PTPN4: variants seen among roughly 807,000 people sequenced by gnomAD.
PTPN4 encodes protein tyrosine phosphatase non-receptor type 4.
Under a neutral mutation model 135.5 loss-of-function variants are expected in PTPN4, and 49 were observed. The ratio of observed to expected loss-of-function variants is 0.36; its 90% confidence interval spans 0.29 to 0.46. The LOEUF is 0.46. PTPN4 is among the 20% of genes least tolerant of loss of function. The pLI is 1.00. For missense variants in PTPN4, 860 were observed against 1,101.0 expected (o/e 0.78, Z 3.10); for synonymous variants, 333 against 369.9 (o/e 0.90, Z 1.14).
intron 26 of PTPN4, among the ~76,000 whole-genome samples, chr2:119,973,107 C>T (rs1414806243): frequency 6.6e-6 from 1 of 151,736 alleles, no homozygotes; most frequent in Non-Finnish European, 1.5e-5. Context: ...TTTTTTGCAA[C>T]CAATTTGCAA....
rs993423598 is a variant in PTPN4, at chr2:119,926,607, T to C, written c.1011T>C (p.Thr337=). Residue 337 remains threonine, a synonymous_variant, in exon 13 of 27, where the codon ACT becomes ACC. Coordinates refer to ENST00000263708, the MANE Select transcript of PTPN4 (RefSeq NM_002830.4). ...TATTTATATATTTCAGTGGGAGAAC[T>C]GAAGTCCAATCAGTTCAGTATGGCA... The part of the protein sequence containing the change: ...LGSKFRYCGR[T]EVQSVQYGKE... The C allele has an allele frequency of 6.3e-7, 1 of 1,594,728 alleles. No individual in the cohort carries two copies. The highest frequency in any genetic ancestry group is 8.6e-7 in the Non-Finnish European group (1 of 1,167,912).
intron 2 of PTPN4, among the ~76,000 whole-genome samples, chr2:119,854,999 A>T (rs1677654360): frequency 6.6e-6 from 1 of 152,140 alleles, no homozygotes; most frequent in African/African-American, 2.4e-5. Context: ...TTTAGTCTGT[A>T]GATTGCTGTT....
chr2:119,897,409 G>A (rs1305953751), intron 9 of PTPN4, among the ~76,000 whole-genome samples: 1 of 152,136 alleles, frequency 6.6e-6, no homozygotes, highest in East Asian at 1.9e-4. Context: ...TTCCTACTGG[G>A]TTGGTCATTG....
At chr2:119,795,249 A>G (rs577630414) in intron 1 of PTPN4, among the ~76,000 whole-genome samples, 2 of 152,158 alleles carry the variant, frequency 1.3e-5, no homozygotes, top group African/African-American at 2.4e-5. Flanking sequence ...ACTCTGGTCC[A>G]TGGGACCAGC....
At chr2:119,947,662 G>C (rs188455368) in intron 18 of PTPN4, among the ~76,000 whole-genome samples, 3 of 151,750 alleles carry the variant, frequency 2.0e-5, no homozygotes, top group East Asian at 3.9e-4. Context: ...TTTGTACATT[G>C]AATCAGCCTA....
intron 1 of PTPN4, among the ~76,000 whole-genome samples, chr2:119,799,747 A>T (rs1691327741): frequency 6.6e-6 from 1 of 152,214 alleles, no homozygotes; most frequent in Non-Finnish European, 1.5e-5. Flanking sequence ...AAAGAAGGAA[A>T]AGACGTTAAA....
chr2:119,946,226 T>C (rs143184647), intron 16 of PTPN4, 115 bp from the exon 17 acceptor site: 8,987 of 805,416 alleles, frequency 0.011, 84 homozygotes, highest in South Asian at 0.023. Flanking sequence ...ATTAGAATTA[T>C]GATTTTTTAC....
intron 1 of PTPN4, among the ~76,000 whole-genome samples, chr2:119,802,045 A>T (rs1356037624): frequency 6.6e-6 from 1 of 151,236 alleles, no homozygotes; most frequent in African/African-American, 2.4e-5. Flanking sequence ...GGACTACAAC[A>T]GGCGCCCGCC....
intron 13 of PTPN4, 114 bp downstream of exon 13, chr2:119,926,780 T>C (rs1678831175): frequency 2.7e-6 from 2 of 737,428 alleles, no homozygotes; most frequent in African/African-American, 3.6e-5. Context: ...AAATTTTTGA[T>C]TACAGAATTA....
rs1471400688 is a variant in PTPN4 at position 119,977,056 on chromosome 2, T to A, written c.2767T>A (p.Ser923Thr). Reference protein sequence around the residue: ...EEGFVKPLTTSTNK With the variant: ...EEGFVKPLTTTTNK The stretch of plus-strand genomic sequence containing the variant: ...AGGCTTTGTTAAACCCTTAACAACA[T>A]CAACAAATAAATAAGAAAGCAAAAA... Residue 923 changes from serine (S) to threonine (T), a missense_variant, in exon 27 of 27, where the codon TCA becomes ACA. Transcript: ENST00000263708. 2 of 1,595,392 alleles carry A rather than the reference T, an allele frequency of 1.3e-6. No individual in the cohort carries two copies. The highest frequency in any genetic ancestry group is 8.5e-7 in the Non-Finnish European group (1 of 1,174,870).
intron 26 of PTPN4, among the ~76,000 whole-genome samples, chr2:119,974,129 T>G (rs934103463): frequency 2.0e-5 from 3 of 152,208 alleles, no homozygotes; most frequent in Admixed American, 6.5e-5. Flanking sequence ...TGACTTAAAT[T>G]TATTTGGGTA....
intron 1 of PTPN4, among the ~76,000 whole-genome samples, chr2:119,772,054 G>A (rs1358014096): frequency 1.3e-5 from 2 of 152,134 alleles, no homozygotes; most frequent in African/African-American, 4.8e-5. Context: ...ATTTTTGTGT[G>A]TTTCTTTTTT....
Position 119,952,100 on chromosome 2 carries a change from G to C in PTPN4, c.1784G>C (p.Gly595Ala), listed in dbSNP as rs1236794686. 1 of 1,612,838 alleles carries C rather than the reference G, an allele frequency of 6.2e-7. No individual in the cohort carries two copies. ...AAAGCTAGTTGTGAGAGACATTCTG[G>C]GGAACTCATGCTTCTAGTTCGACCT... ...FIKASCERHS[G>A]ELMLLVRPNA... The change falls in exon 19 of 27, where the codon GGG becomes GCG. Residue 595 changes from glycine to alanine, a missense_variant. Transcript: ENST00000263708.
rs990899307 is a variant in PTPN4, at chr2:119,809,499, T to C, written c.-17-338T>C. On this transcript the variant is annotated intron_variant, in intron 1 of 26. Coordinates refer to ENST00000263708, the MANE Select transcript of PTPN4 (RefSeq NM_002830.4). ...TTAAAATACTTGCATCAATGAGTAA[T>C]ATCCAACTTCCTGAGGCAGCATAAT... 2.6e-5 allele frequency among the ~76,000 whole-genome samples: 4 copies of C among 152,238 alleles called. 1 individual carries two copies. The South Asian group carries it at 8.3e-4, about 32-fold the overall frequency.
At chr2:119,805,439 C>T (rs1691450767) in intron 1 of PTPN4, among the ~76,000 whole-genome samples, 1 of 152,188 alleles carries the variant, frequency 6.6e-6, no homozygotes, top group Non-Finnish European at 1.5e-5. Context: ...ACATTTAAGT[C>T]TTTAATCCAT....
At chr2:119,795,815 A>G (rs1353074617) in intron 1 of PTPN4, among the ~76,000 whole-genome samples, 3 of 152,158 alleles carry the variant, frequency 2.0e-5, no homozygotes, top group Non-Finnish European at 4.4e-5. Context: ...GGGGCCCTCT[A>G]TCCCCACCCC....
chr2:119,900,253 C>T (rs950019188), intron 9 of PTPN4, among the ~76,000 whole-genome samples: 15 of 151,960 alleles, frequency 9.9e-5, no homozygotes, highest in African/African-American at 2.4e-4. Flanking sequence ...AGTTATAGGA[C>T]GTCTCATTAT....
rs1678096965 is a variant in PTPN4 at position 119,882,606 on chromosome 2, A to C, written c.570A>C (p.Lys190Asn). ...AAGATTTTGAAAAAGAAATTGCAAA[A>C]TTACATCAGCAACACATGTAAGAGT... ...QPQDFEKEIA[K>N]LHQQHIGLSP... The change falls in exon 8 of 27, where the codon AAA becomes AAC. Residue 190 changes from lysine to asparagine, a missense_variant. Lys to Asn is a moderately conservative substitution (Grantham distance 94, BLOSUM62 0). Around this residue, in one of 2 missense-constraint regions of PTPN4, gnomAD observed 684 missense variants for 807.0 expected, o/e 0.85. Transcript: ENST00000263708. 3 of 1,544,844 alleles carry C rather than the reference A, an allele frequency of 1.9e-6. No homozygotes were observed. The highest frequency in any genetic ancestry group is 2.6e-6 in the Non-Finnish European group (3 of 1,132,816).
At position 119,914,248 on chromosome 2, in the gene PTPN4, A is replaced by ATTTTTTTTTTTTTTTTTTTTT. The variant is rs55911315; in HGVS notation, c.765-923_765-903dup. On this transcript the variant is annotated intron_variant, in intron 10 of 26. Coordinates refer to ENST00000263708, the MANE Select transcript of PTPN4 (RefSeq NM_002830.4). ...CATAAATACAGTCAATAGTTACTCA[A>ATTTTTTTTTTTTTTTTTTTTT]TTTTTTTTTTTTTTTTTTTTTTTTT... Among the ~76,000 whole-genome samples the ATTTTTTTTTTTTTTTTTTTTT allele has an allele frequency of 1.0e-4, 10 of 97,426 alleles. 2 individuals carry two copies. The highest frequency in any genetic ancestry group is 5.9e-4 in the African/African-American group (10 of 17,066). The allele number at this position is 97,426 out of a possible 152,430, so 63.9% of individuals were successfully genotyped here. A position where few individuals can be genotyped will look rare whatever the true frequency, so the allele number is the denominator to read the frequency against.
Sources: allele counts gnomAD v4.1 joint callset (sites outside exome capture counted in the v4.1 genomes callset), GRCh38; gene constraint gnomAD v4.1.1; regional missense constraint gnomAD v4.1.1; transcripts MANE v1.5; gene names NCBI Gene and HGNC (gene_info 2026-07-23, HGNC 2026-07-21).